CEP63: variants seen among roughly 807,000 people sequenced by gnomAD.
The protein encoded by CEP63 is centrosomal protein of 63 kDa.
Under a neutral mutation model 89.1 loss-of-function variants are expected in CEP63, and 84 were observed. The ratio of observed to expected loss-of-function variants is 0.94; its 90% CI spans 0.79 to 1.13. The LOEUF (loss-of-function observed/expected upper bound fraction) is 1.13. CEP63 is among the 50% of genes most tolerant of loss of function. The pLI is 0.00. For synonymous variants in CEP63, 267 were observed against 272.5 expected, an observed-to-expected ratio of 0.98 and a Z score of 0.20; for missense variants, 838 against 813.3, an observed-to-expected ratio of 1.03 and a Z score of -0.37.
chr3:134,651,283 C>T, the CEP63 span: 5 of 1,189,276 alleles, frequency 4.2e-6, no homozygotes, highest in African/African-American at 8.1e-5. Context: ...GCGCCCCTGC[C>T]TCCCGCCCGG....
chr3:134,616,763 T>C, the CEP63 span, among the ~76,000 whole-genome samples: 749 of 152,288 alleles, frequency 4.9e-3, 7 homozygotes, highest in African/African-American at 0.017. Flanking sequence ...TCTGAATCTA[T>C]GTAGGCTGGC....
chr3:134,625,183 G>T, the CEP63 span: 1 of 1,466,622 alleles, frequency 6.8e-7, no homozygotes, highest in South Asian at 1.2e-5. Context: ...CACTGAAGAG[G>T]GCTGCCTGGC....
At chr3:134,550,333 T>G in intron 11 of CEP63, 73 bp downstream of exon 11, 1 of 1,370,504 alleles carries the variant, frequency 7.3e-7, no homozygotes, top group Non-Finnish European at 1.0e-6. Context: ...GACATAATTT[T>G]CATAATATTT....
chr3:134,537,347 G>C, intron 6 of CEP63, 79 bp downstream of exon 6: 1 of 899,640 alleles, frequency 1.1e-6, no homozygotes, highest in Non-Finnish European at 1.9e-6. Flanking sequence ...CAGTGTCCTA[G>C]TACCATTTAG....
intron 6 of CEP63, among the ~76,000 whole-genome samples, chr3:134,541,141 G>C (rs1379188896): frequency 6.6e-6 from 1 of 152,130 alleles, no homozygotes; most frequent in Non-Finnish European, 1.5e-5. Context: ...TGAAATATAA[G>C]CCCTTTGCTA....
At position 134,495,264 on chromosome 3, in the gene CEP63, T is replaced by A; in HGVS notation, c.-25-32T>A. ...GAATGTTAGAACTGAAGAAATGAAT[T>A]GTCTCATGACTGATATTTTTTTCTT... On this transcript the variant is annotated intron_variant, in intron 1 of 14. Transcript: ENST00000675561. 8 of 1,456,760 alleles carry A rather than the reference T, an allele frequency of 5.5e-6. No individual in the cohort carries two copies. In the South Asian group the frequency reaches 8.0e-5, roughly 15 times the overall value. 90.2% of individuals were successfully genotyped at this position (1,456,760 alleles called of 1,614,324 possible). A position where few individuals can be genotyped will look rare whatever the true frequency, so the allele number is the denominator to read the frequency against.
At chr3:134,514,667 C>T (rs1310019708) in intron 3 of CEP63, among the ~76,000 whole-genome samples, 1 of 152,156 alleles carries the variant, frequency 6.6e-6, no homozygotes, top group Non-Finnish European at 1.5e-5. Context: ...ACTTTTTCCT[C>T]TACCAAACGA....
the CEP63 span, chr3:134,608,887 C>T: frequency 6.4e-7 from 1 of 1,564,330 alleles, no homozygotes; most frequent in Admixed American, 1.8e-5. Flanking sequence ...GCAGGGGAGG[C>T]AGGGGCCCAA....
At chr3:134,745,822 G>A in the CEP63 span, among the ~76,000 whole-genome samples, 17 of 151,268 alleles carry the variant, frequency 1.1e-4, no homozygotes, top group South Asian at 2.1e-4. Context: ...CAGAATGATC[G>A]TTTCCAGCGT....
At chr3:134,669,479 G>A in the CEP63 span, among the ~76,000 whole-genome samples, 1 of 152,188 alleles carries the variant, frequency 6.6e-6, no homozygotes, top group Non-Finnish European at 1.5e-5. Context: ...GGGGGGTCTT[G>A]GGCCCAAGTT....
chr3:134,729,160 A>T, the CEP63 span, among the ~76,000 whole-genome samples: 2 of 152,194 alleles, frequency 1.3e-5, no homozygotes, highest in African/African-American at 4.8e-5. Context: ...TAAAATCAAA[A>T]CGATACAAAA....
At chr3:134,579,948 C>G (rs778883752), downstream of CEP63, among the ~76,000 whole-genome samples, 1 of 152,036 alleles carries the variant, frequency 6.6e-6, no homozygotes, top group Non-Finnish European at 1.5e-5. Flanking sequence ...TCCTGTAATC[C>G]CAGCACTTTG....
the CEP63 span, among the ~76,000 whole-genome samples, chr3:134,696,798 T>C: frequency 6.6e-6 from 1 of 152,220 alleles, no homozygotes; most frequent in Non-Finnish European, 1.5e-5. Context: ...TGTTTTATGA[T>C]TATACAATAT....
chr3:134,585,360 T>C (rs1201996266), intron 10 of CEP63, among the ~76,000 whole-genome samples: 3 of 152,180 alleles, frequency 2.0e-5, no homozygotes, highest in African/African-American at 7.2e-5. Context: ...CTGCTTTGAA[T>C]GTGTCCCAGA....
chr3:134,608,593 C>T, the CEP63 span: 1 of 1,613,576 alleles, frequency 6.2e-7, no homozygotes, highest in Non-Finnish European at 8.5e-7. Context: ...TCCTGGAGGA[C>T]AGTGCGAAAT....
chr3:134,660,635 C>T, the CEP63 span, among the ~76,000 whole-genome samples: 1 of 152,124 alleles, frequency 6.6e-6, no homozygotes, highest in East Asian at 1.9e-4. Flanking sequence ...TGGAATGGGG[C>T]AGTGAGGATG....
At chr3:134,489,812 C>G (rs1287108946) in intron 1 of CEP63, among the ~76,000 whole-genome samples, 1 of 152,138 alleles carries the variant, frequency 6.6e-6, no homozygotes, top group African/African-American at 2.4e-5. Flanking sequence ...CCAAAGGTAA[C>G]CATGAGGGTT....
chr3:134,608,100 A>G, the CEP63 span: 3 of 1,127,130 alleles, frequency 2.7e-6, no homozygotes, highest in African/African-American at 3.2e-5. Context: ...TGGGAGACCC[A>G]TGTTGCTCCC....
chr3:134,690,743 A>ATTTTTTTTTTT, the CEP63 span, among the ~76,000 whole-genome samples: 49 of 120,778 alleles, frequency 4.1e-4, 3 homozygotes, highest in African/African-American at 1.5e-3. Flanking sequence ...GAAGACCAAG[A>ATTTTTTTTTTT]TTTTTTTTTT....
Sources: allele counts gnomAD v4.1 joint callset (sites outside exome capture counted in the v4.1 genomes callset), GRCh38; gene constraint gnomAD v4.1.1; transcripts MANE v1.5; gene names NCBI Gene and HGNC (gene_info 2026-07-23, HGNC 2026-07-21).